Variants in MYO3B observed in about 807,000 individuals in gnomAD.
The protein encoded by MYO3B is myosin IIIB, also known as myosin-IIIb.
A neutral mutation model predicts 174.6 loss-of-function variants in MYO3B; 156 were observed. That is an observed-to-expected ratio of 0.89 (90% CI 0.78 to 1.02). MYO3B has a LOEUF of 1.02. MYO3B is among the 50% of genes least tolerant of loss of function. The pLI is 0.00. For synonymous variants in MYO3B, 563 were observed against 569.1 expected (o/e 0.99, Z 0.15); for missense variants, 1,632 against 1,639.4 (o/e 1.00, Z 0.08).
chr2:170,529,675 T>A (rs1307820058), intron 30 of MYO3B, among the ~76,000 whole-genome samples: 1 of 152,210 alleles, frequency 6.6e-6, no homozygotes, highest in East Asian at 1.9e-4. Context: ...CCGCTCAGAA[T>A]GAGTTTCTGC....
At chr2:170,649,325 T>TATATATTATATATAAA (rs1559202333) in intron 32 of MYO3B, among the ~76,000 whole-genome samples, 13 of 91,798 alleles carry the variant, frequency 1.4e-4, no homozygotes, top group African/African-American at 3.5e-4. Context: ...TATAAAATAA[T>TATATATTATATATAAA]ATAATATATA....
intron 6 of MYO3B, among the ~76,000 whole-genome samples, chr2:170,226,058 C>G (rs975703620): frequency 6.6e-6 from 1 of 152,192 alleles, no homozygotes; most frequent in Non-Finnish European, 1.5e-5. Flanking sequence ...TTCCATGGCT[C>G]TGATGTTCCA....
At chr2:170,264,784 A>T (rs2093370581) in intron 7 of MYO3B, among the ~76,000 whole-genome samples, 1 of 152,196 alleles carries the variant, frequency 6.6e-6, no homozygotes, top group African/African-American at 2.4e-5. Context: ...TATTTGTTGG[A>T]TTTGACATTT....
intron 16 of MYO3B, among the ~76,000 whole-genome samples, chr2:170,394,350 A>G (rs1382222359): frequency 6.6e-6 from 1 of 152,234 alleles, no homozygotes; most frequent in Non-Finnish European, 1.5e-5. Context: ...ACTGCTAATA[A>G]TAATAAAACA....
chr2:170,532,538 C>T (rs752941968), intron 30 of MYO3B, among the ~76,000 whole-genome samples: 3 of 152,058 alleles, frequency 2.0e-5, no homozygotes, highest in South Asian at 2.1e-4. Flanking sequence ...GTAGGCTGGG[C>T]GCAGTGGCTC....
chr2:170,487,530 A>G (rs1260552500), intron 25 of MYO3B, among the ~76,000 whole-genome samples: 3 of 152,244 alleles, frequency 2.0e-5, no homozygotes, highest in Non-Finnish European at 4.4e-5. Context: ...ACATGGTTAT[A>G]CCAAAGCCCT....
chr2:170,393,742 T>TC (rs1449306708), intron 16 of MYO3B, among the ~76,000 whole-genome samples: 1 of 152,158 alleles, frequency 6.6e-6, no homozygotes, highest in East Asian at 1.9e-4. Context: ...ATAGTACCTT[T>TC]CTTTTTTTTC....
chr2:170,410,947 C>T (rs1376868499), intron 22 of MYO3B, among the ~76,000 whole-genome samples: 1 of 151,994 alleles, frequency 6.6e-6, no homozygotes, highest in Non-Finnish European at 1.5e-5. Context: ...ACTCAGGAGG[C>T]TGAGGCAGGA....
intron 32 of MYO3B, chr2:170,641,297 A>G (rs1420040406): frequency 6.6e-6 from 1 of 152,240 alleles, no homozygotes; most frequent in Non-Finnish European, 1.5e-5. Flanking sequence ...ACTTTTTCTT[A>G]AGAACCATCT....
chr2:170,265,643 C>T (rs1448266192), intron 7 of MYO3B, among the ~76,000 whole-genome samples: 1 of 152,220 alleles, frequency 6.6e-6, no homozygotes, highest in East Asian at 1.9e-4. Context: ...AAGTAAAGGA[C>T]TGTTAGTCCC....
At chr2:170,280,042 C>A (rs1386277299) in intron 7 of MYO3B, among the ~76,000 whole-genome samples, 1 of 152,186 alleles carries the variant, frequency 6.6e-6, no homozygotes, top group African/African-American at 2.4e-5. Flanking sequence ...AATAACCATA[C>A]TGCTTTCCAC....
At chr2:170,305,993 A>G (rs937782287) in intron 7 of MYO3B, among the ~76,000 whole-genome samples, 6 of 152,148 alleles carry the variant, frequency 3.9e-5, no homozygotes, top group Non-Finnish European at 7.4e-5. Flanking sequence ...TTTATTTTAC[A>G]TGATATGAAC....
At chr2:170,199,435 G>A (rs1218457934) in intron 2 of MYO3B, 44 bp downstream of exon 2, 1 of 1,379,158 alleles carries the variant, frequency 7.3e-7, no homozygotes, top group South Asian at 1.7e-5. Context: ...GGTGTTTTAT[G>A]CACACTGAGT....
At chr2:170,362,641 A>G (rs1445112718) in intron 8 of MYO3B, among the ~76,000 whole-genome samples, 1 of 152,116 alleles carries the variant, frequency 6.6e-6, no homozygotes, top group East Asian at 1.9e-4. Context: ...TAACTGAGTA[A>G]TGCACTCCCA....
intron 32 of MYO3B, among the ~76,000 whole-genome samples, chr2:170,593,595 A>T (rs909574203): frequency 6.6e-6 from 1 of 152,258 alleles, no homozygotes; most frequent in Admixed American, 6.5e-5. Flanking sequence ...CCTGCCTCTT[A>T]GCAAGAGCTG....
chr2:170,458,038 G>GCTAT (rs1444544037), intron 23 of MYO3B, among the ~76,000 whole-genome samples: 1 of 152,166 alleles, frequency 6.6e-6, no homozygotes, highest in East Asian at 1.9e-4. Flanking sequence ...ACAGGCATGA[G>GCTAT]CTATCGCACC....
intron 3 of MYO3B, among the ~76,000 whole-genome samples, chr2:170,201,242 A>G (rs59346516): frequency 0.21 from 32,277 of 152,196 alleles, 4,380 homozygotes; most frequent in East Asian, 0.42. Context: ...ATGACAGTAT[A>G]TGAATTAATA....
chr2:170,436,550 A>G (rs772852046), intron 22 of MYO3B, among the ~76,000 whole-genome samples: 3 of 152,230 alleles, frequency 2.0e-5, no homozygotes, highest in Non-Finnish European at 2.9e-5. Context: ...CAGAGAAAAC[A>G]TTTGGACATC....
At chr2:170,383,519 C>T (rs2094351126) in intron 11 of MYO3B, among the ~76,000 whole-genome samples, 191 bp from the exon 12 acceptor site, 1 of 152,156 alleles carries the variant, frequency 6.6e-6, no homozygotes, top group East Asian at 1.9e-4. Flanking sequence ...CTCCCTCTTA[C>T]TAGCTCATGA....
Sources: allele counts gnomAD v4.1 joint callset (sites outside exome capture counted in the v4.1 genomes callset), GRCh38; gene constraint gnomAD v4.1.1; transcripts MANE v1.5; gene names NCBI Gene and HGNC (gene_info 2026-07-23, HGNC 2026-07-21).